SGIP1: variants seen among roughly 807,000 people sequenced by gnomAD.
SGIP1 encodes the protein SH3GL interacting endocytic adaptor 1.
A neutral mutation model predicts 107.5 loss-of-function variants in SGIP1; 38 were observed. That is an observed-to-expected ratio of 0.35 (90% CI 0.27 to 0.46). The LOEUF (loss-of-function observed/expected upper bound fraction) is 0.46, where lower values mean the gene tolerates loss of function less well. Ranked by LOEUF, SGIP1 falls within the 20% of genes least tolerant of loss-of-function variation. The pLI, the probability that SGIP1 is intolerant of heterozygous loss-of-function variation, is 1.00. For missense variants in SGIP1, 929 were observed against 1,019.5 expected (o/e 0.91, Z 1.21); for synonymous variants, 365 against 366.1 (o/e 1.00, Z 0.03).
At chr1:66,737,676 T>C (rs1194370359) in intron 21 of SGIP1, among the ~76,000 whole-genome samples, 2 of 152,232 alleles carry the variant, frequency 1.3e-5, no homozygotes, top group African/African-American at 4.8e-5. Flanking sequence ...TATCTACTTA[T>C]TTTATAGGTT....
intron 11 of SGIP1, 130 bp from the exon 12 acceptor site, chr1:66,673,151 A>C: frequency 1.2e-6 from 1 of 853,472 alleles, no homozygotes; most frequent in Non-Finnish European, 2.0e-6. Flanking sequence ...GCTTGTATAC[A>C]CATGCATGCA....
At chr1:66,625,105 T>C (rs1489160271) in intron 1 of SGIP1, among the ~76,000 whole-genome samples, 2 of 152,230 alleles carry the variant, frequency 1.3e-5, no homozygotes. Context: ...CCATTTGATA[T>C]ATCATAATAC....
chr1:66,561,303 C>G (rs1390642493), intron 1 of SGIP1, among the ~76,000 whole-genome samples: 1 of 152,048 alleles, frequency 6.6e-6, no homozygotes, highest in Admixed American at 6.6e-5. Context: ...TAGACTCTCA[C>G]ATGCTTAACT....
chr1:66,611,449 G>A (rs1011820665), intron 1 of SGIP1, among the ~76,000 whole-genome samples: 2 of 152,244 alleles, frequency 1.3e-5, no homozygotes, highest in African/African-American at 2.4e-5. Flanking sequence ...CTGTTGCTGG[G>A]GAGTGGCTTC....
chr1:66,687,459 GAGA>G (rs1287297903), intron 15 of SGIP1, among the ~76,000 whole-genome samples: 1 of 151,404 alleles, frequency 6.6e-6, no homozygotes, highest in African/African-American at 2.4e-5. Context: ...TTTTTTTTAA[GAGA>G]AGACTAGCCA....
chr1:66,677,743 A>G (rs944607090), intron 13 of SGIP1, among the ~76,000 whole-genome samples: 4 of 152,202 alleles, frequency 2.6e-5, no homozygotes, highest in African/African-American at 9.7e-5. Context: ...AGGTAAAGCC[A>G]CCCTTCTTAA....
intron 18 of SGIP1, among the ~76,000 whole-genome samples, chr1:66,696,212 A>C (rs547863629): frequency 4.9e-4 from 74 of 152,166 alleles, no homozygotes; most frequent in Non-Finnish European, 8.8e-4. Context: ...TTTTATATTT[A>C]AGTTTTAATC....
chr1:66,731,381 T>C (rs1424623776), intron 20 of SGIP1, among the ~76,000 whole-genome samples: 1 of 152,222 alleles, frequency 6.6e-6, no homozygotes, highest in African/African-American at 2.4e-5. Flanking sequence ...GCATTGCATT[T>C]TTAGGCAGTT....
At chr1:66,584,998 C>T (rs2062393118) in intron 1 of SGIP1, among the ~76,000 whole-genome samples, 1 of 152,224 alleles carries the variant, frequency 6.6e-6, no homozygotes, top group Non-Finnish European at 1.5e-5. Flanking sequence ...CTTACTCTTT[C>T]CCTTGAACTG....
At chr1:66,688,709 C>T (rs2089085114) in intron 15 of SGIP1, among the ~76,000 whole-genome samples, 1 of 152,134 alleles carries the variant, frequency 6.6e-6, no homozygotes, top group South Asian at 2.1e-4. Flanking sequence ...GAAGAAAAAC[C>T]TAAAATGGAA....
intron 1 of SGIP1, among the ~76,000 whole-genome samples, chr1:66,580,507 T>C (rs915056653): frequency 1.3e-5 from 2 of 152,158 alleles, no homozygotes; most frequent in Non-Finnish European, 2.9e-5. Flanking sequence ...TTCCTATTCG[T>C]AATACTTCTC....
At chr1:66,690,061 TA>T in intron 16 of SGIP1, 128 bp from the exon 17 acceptor site, 1 of 1,052,826 alleles carries the variant, frequency 9.5e-7, no homozygotes, top group Non-Finnish European at 1.4e-6. Context: ...AATTTCAGTG[TA>T]AAAATGGTGT....
intron 1 of SGIP1, among the ~76,000 whole-genome samples, chr1:66,579,995 C>T (rs1213046195): frequency 6.6e-6 from 1 of 152,116 alleles, no homozygotes; most frequent in Non-Finnish European, 1.5e-5. Flanking sequence ...CTCACCTTCT[C>T]CAAATCTTTC....
At chr1:66,606,037 C>T (rs2066772662) in intron 1 of SGIP1, among the ~76,000 whole-genome samples, 1 of 152,114 alleles carries the variant, frequency 6.6e-6, no homozygotes, top group African/African-American at 2.4e-5. Flanking sequence ...GTGTCTTAGA[C>T]ATAGATAATT....
chr1:66,742,680 A>G, intron 24 of SGIP1, among the ~76,000 whole-genome samples: 1 of 149,062 alleles, frequency 6.7e-6, no homozygotes, highest in East Asian at 1.9e-4. Flanking sequence ...CGTGTTAGCC[A>G]GGATGGTCTC....
intron 2 of SGIP1, among the ~76,000 whole-genome samples, chr1:66,629,306 A>C (rs2073702288): frequency 1.3e-5 from 2 of 152,168 alleles, no homozygotes; most frequent in Admixed American, 1.3e-4. Flanking sequence ...AGGAAGGGAG[A>C]GAGGTTGTGC....
intron 17 of SGIP1, among the ~76,000 whole-genome samples, chr1:66,691,343 A>G (rs1346178679): frequency 1.3e-5 from 2 of 152,086 alleles, no homozygotes; most frequent in East Asian, 1.9e-4. Context: ...AGAACTGCCT[A>G]TTTTCCCAGA....
At chr1:66,709,557 A>T (rs1572106802) in intron 18 of SGIP1, among the ~76,000 whole-genome samples, 1 of 152,176 alleles carries the variant, frequency 6.6e-6, no homozygotes, top group African/African-American at 2.4e-5. Flanking sequence ...TTATGTGTAA[A>T]GCATAAAAGA....
At chr1:66,699,533 C>T (rs146631563) in intron 18 of SGIP1, among the ~76,000 whole-genome samples, 36 of 152,254 alleles carry the variant, frequency 2.4e-4, no homozygotes, top group African/African-American at 7.0e-4. Context: ...CCACTTTACT[C>T]GGTACTCCAC....
Sources: allele counts gnomAD v4.1 joint callset (sites outside exome capture counted in the v4.1 genomes callset), GRCh38; gene constraint gnomAD v4.1.1; transcripts MANE v1.5; gene names NCBI Gene and HGNC (gene_info 2026-07-23, HGNC 2026-07-21).